LMO1: variants seen among roughly 807,000 people sequenced by gnomAD.
The protein encoded by LMO1 is LIM domain only 1.
Under a neutral mutation model 18.0 loss-of-function variants are expected in LMO1, and 10 were observed. That is an observed-to-expected ratio of 0.55 (90% CI 0.34 to 0.94). The LOEUF (loss-of-function observed/expected upper bound fraction) is 0.94, where lower values mean the gene tolerates loss of function less well. Among genes scored for constraint, LMO1 ranks in the 40% least tolerant of loss-of-function variants. LMO1 has a pLI of 0.02. For synonymous variants in LMO1, 77 were observed against 77.9 expected (o/e 0.99, Z 0.06); for missense variants, 183 against 205.7 (o/e 0.89, Z 0.68).
At chr11:8,246,651 T>C (rs897383276) in intron 1 of LMO1, among the ~76,000 whole-genome samples, 1 of 152,248 alleles carries the variant, frequency 6.6e-6, no homozygotes, top group African/African-American at 2.4e-5. Context: ...ACCACTAAAG[T>C]ATCTATTTTA....
chr11:8,259,391 C>T (rs204937), intron 1 of LMO1, among the ~76,000 whole-genome samples: 72,321 of 152,070 alleles, frequency 0.48, 20,103 homozygotes, highest in East Asian at 0.84. Flanking sequence ...GAAGGGGAAG[C>T]GGCTGTATGT....
chr11:8,239,187 C>T (rs1952812071), intron 1 of LMO1, among the ~76,000 whole-genome samples: 1 of 152,190 alleles, frequency 6.6e-6, no homozygotes, highest in Non-Finnish European at 1.5e-5. Flanking sequence ...CCCAGGGCTT[C>T]CCTGCACAGC....
intron 1 of LMO1, among the ~76,000 whole-genome samples, chr11:8,238,758 G>A (rs73415221): frequency 0.11 from 16,880 of 151,744 alleles, 997 homozygotes; most frequent in Non-Finnish European, 0.12. Flanking sequence ...AAGGAGCCCA[G>A]TGTACTGAAA....
intron 1 of LMO1, among the ~76,000 whole-genome samples, chr11:8,253,006 C>A (rs1847030004): frequency 6.6e-6 from 1 of 152,218 alleles, no homozygotes; most frequent in African/African-American, 2.4e-5. Context: ...TGAGAGGGGG[C>A]CCTGCAGACA....
upstream of LMO1, chr11:8,268,487 G>T (rs1303597251): frequency 2.2e-6 from 3 of 1,383,980 alleles, no homozygotes; most frequent in South Asian, 3.3e-5. Flanking sequence ...CCGAGGATAC[G>T]GAGGGGCGCG....
At chr11:8,237,615 C>G (rs1565180094) in intron 1 of LMO1, among the ~76,000 whole-genome samples, 2 of 152,270 alleles carry the variant, frequency 1.3e-5, no homozygotes, top group Non-Finnish European at 1.5e-5. Flanking sequence ...TGCACACCCT[C>G]TTGCAGGCAG....
intron 1 of LMO1, among the ~76,000 whole-genome samples, chr11:8,257,318 G>C (rs1361638891): frequency 2.0e-5 from 3 of 152,186 alleles, no homozygotes; most frequent in African/African-American, 7.2e-5. Flanking sequence ...CTCCAGACAG[G>C]ACAGGCAAGC....
intron 2 of LMO1, among the ~76,000 whole-genome samples, chr11:8,227,934 G>T (rs1952577824): frequency 6.6e-6 from 1 of 152,238 alleles, no homozygotes; most frequent in Non-Finnish European, 1.5e-5. Context: ...CTCCCAAAGT[G>T]CTGGGACTAC....
chr11:8,230,576 G>C lies in LMO1; in HGVS notation c.26-72C>G. On this transcript the variant is annotated intron_variant, in intron 1 of 3. Transcript: ENST00000335790. ...CTGGGCCTCAAGGAATATCCCCCAA[G>C]AATGGGGAGCTCACTGCTTCTCTCT... 3.4e-6 allele frequency: 5 copies of C among 1,456,764 alleles called. No homozygotes were observed. In the South Asian group the frequency reaches 3.6e-5, roughly 10 times the overall value. The allele number at this position is 1,456,764 out of a possible 1,614,324, so 90.2% of individuals were successfully genotyped here. A position where few individuals can be genotyped will look rare whatever the true frequency, so the allele number is the denominator to read the frequency against.
chr11:8,241,901 T>C (rs1846801843), intron 1 of LMO1, among the ~76,000 whole-genome samples: 1 of 152,194 alleles, frequency 6.6e-6, no homozygotes, highest in South Asian at 2.1e-4. Context: ...GTGTTCCCAG[T>C]GTTGTGCCCC....
intron 1 of LMO1, among the ~76,000 whole-genome samples, chr11:8,261,386 C>T (rs116318199): frequency 3.3e-5 from 5 of 152,216 alleles, no homozygotes; most frequent in East Asian, 1.9e-4. Context: ...AATCCATTCT[C>T]ACTCAAGGCT....
intron 2 of LMO1, among the ~76,000 whole-genome samples, chr11:8,230,039 A>G (rs1388707466): frequency 6.6e-6 from 1 of 152,180 alleles, no homozygotes; most frequent in African/African-American, 2.4e-5. Context: ...AGCTTAACTT[A>G]GGGGCCCCAG....
intron 1 of LMO1, among the ~76,000 whole-genome samples, chr11:8,241,832 A>C (rs756818728): frequency 1.3e-5 from 2 of 151,780 alleles, no homozygotes; most frequent in Non-Finnish European, 2.9e-5. Context: ...GGGTACTCTC[A>C]TAAGAACAAA....
At chr11:8,228,413 G>T (rs1029652858) in intron 2 of LMO1, among the ~76,000 whole-genome samples, 7 of 152,238 alleles carry the variant, frequency 4.6e-5, no homozygotes, top group African/African-American at 1.7e-4. Flanking sequence ...AGATGAGCTT[G>T]GCTCCATTAT....
At position 8,227,045 on chromosome 11, in the gene LMO1, C is replaced by T; in HGVS notation, c.295G>A (p.Glu99Lys). Residue 99 changes from glutamate (E) to lysine (K), a missense_variant, in exon 3 of 4, where the codon GAG becomes AAG. By Grantham distance (56) the Glu-to-Lys change is moderately conservative (BLOSUM62 1). Coordinates refer to ENST00000335790, the MANE Select transcript of LMO1 (RefSeq NM_002315.3). The part of the protein sequence containing the change: ...AACSKLIPAF[E>K]MVMRARDNVY... ...TTGTCCCGGGCCCGCATCACCATCT[C>T]GAAGGCTGGGATCAGCTTGCTGCAA... The T allele has an allele frequency of 3.7e-6, 6 of 1,613,946 alleles. No individual in the cohort carries two copies. Among genetic ancestry groups the T allele is most frequent in the African/African-American group, 1.3e-5 (1 of 75,060 alleles).
At chr11:8,265,176 T>C (rs1242559553), upstream of LMO1, among the ~76,000 whole-genome samples, 1 of 152,220 alleles carries the variant, frequency 6.6e-6, no homozygotes, top group Non-Finnish European at 1.5e-5. Context: ...TTAGCAAGTC[T>C]CTTTCTCTAT....
chr11:8,243,616 C>G (rs1264953131), intron 1 of LMO1, among the ~76,000 whole-genome samples: 1 of 152,230 alleles, frequency 6.6e-6, no homozygotes, highest in African/African-American at 2.4e-5. Context: ...AGCACAGAGT[C>G]TGCAGCCAGG....
rs543809015 is a variant in LMO1, at chr11:8,257,369, A to G, written c.25+5969T>C. Reference sequence around the variant, plus strand: ...CCATAGGAACCTCTGGGGCTTCTCCACTTCCAAAGGCCCAGGACAGGTGAG... The same window carrying G: ...CCATAGGAACCTCTGGGGCTTCTCCGCTTCCAAAGGCCCAGGACAGGTGAG... On this transcript the variant is annotated intron_variant, in intron 1 of 3. Coordinates refer to ENST00000335790, the MANE Select transcript of LMO1 (RefSeq NM_002315.3). 3.6e-3 allele frequency among the ~76,000 whole-genome samples: 544 copies of G among 152,316 alleles called. 5 individuals carry two copies. Among genetic ancestry groups the G allele is most frequent in the African/African-American group, 0.012 (513 of 41,564 alleles).
chr11:8,250,644 T>C (rs532672585), intron 1 of LMO1, among the ~76,000 whole-genome samples: 1 of 152,364 alleles, frequency 6.6e-6, no homozygotes, highest in South Asian at 2.1e-4. Flanking sequence ...AAACAGCTTC[T>C]GGCTCGGGGG....
Sources: gnomAD v4.1 joint callset for allele counts (sites outside exome capture counted in the v4.1 genomes callset) on GRCh38, gnomAD v4.1.1 for gene constraint, MANE v1.5 for transcripts, NCBI Gene and HGNC (gene_info 2026-07-23, HGNC 2026-07-21) for gene names.